The following CCDC178 variants were observed in gnomAD, a reference collection of about 807,000 sequenced individuals.
The protein encoded by CCDC178 is coiled-coil domain-containing protein 178.
CCDC178 carries 126 observed loss-of-function variants against 117.4 expected under a neutral mutation model. That is an observed-to-expected ratio of 1.07 (90% CI 0.93 to 1.24). The LOEUF is 1.24. Among genes scored for constraint, CCDC178 ranks in the 50% most tolerant of loss-of-function variants. The probability of loss-of-function intolerance (pLI) is 0.00; values close to 1 mark genes in which losing one functional copy is unlikely to be tolerated. For missense variants in CCDC178, 1,030 were observed against 986.9 expected, an observed-to-expected ratio of 1.04 and a Z score of -0.59; for synonymous variants, 283 against 313.4, an observed-to-expected ratio of 0.90 and a Z score of 1.02.
At chr18:33,049,001 A>T (rs1017724153) in intron 21 of CCDC178, among the ~76,000 whole-genome samples, 1 of 152,312 alleles carries the variant, frequency 6.6e-6, no homozygotes, top group South Asian at 2.1e-4. Flanking sequence ...AGATAAAATT[A>T]AAAATTGTAG....
intron 20 of CCDC178, chr18:33,136,001 C>T (rs974233974): frequency 6.6e-6 from 1 of 152,142 alleles, no homozygotes; most frequent in Non-Finnish European, 1.5e-5. Context: ...TTTTATAAAT[C>T]TAGCAAATAA....
intron 14 of CCDC178, among the ~76,000 whole-genome samples, chr18:33,247,448 A>G (rs1197946259): frequency 1.3e-5 from 2 of 151,904 alleles, no homozygotes; most frequent in Admixed American, 1.3e-4. Flanking sequence ...TATGGACAGA[A>G]ATAATTAAAA....
At chr18:33,049,855 G>A (rs183874839) in intron 21 of CCDC178, among the ~76,000 whole-genome samples, 75 of 151,782 alleles carry the variant, frequency 4.9e-4, no homozygotes, top group African/African-American at 1.7e-3. Flanking sequence ...GGCCGAGGGG[G>A]GTGGATACTT....
intron 15 of CCDC178, among the ~76,000 whole-genome samples, chr18:33,231,797 T>C (rs142305360): frequency 3.3e-5 from 5 of 152,254 alleles, no homozygotes; most frequent in Non-Finnish European, 7.4e-5. Flanking sequence ...AACACGCAGA[T>C]AGCTGCTGCT....
intron 20 of CCDC178, among the ~76,000 whole-genome samples, chr18:33,117,976 A>C (rs1425654233): frequency 1.3e-5 from 2 of 152,086 alleles, no homozygotes; most frequent in Non-Finnish European, 2.9e-5. Flanking sequence ...CAATTTCCCC[A>C]GGGTAGTCAG....
At chr18:33,061,057 T>C (rs2056912973) in intron 21 of CCDC178, among the ~76,000 whole-genome samples, 1 of 152,066 alleles carries the variant, frequency 6.6e-6, no homozygotes, top group South Asian at 2.1e-4. Flanking sequence ...ATTTAGCAAG[T>C]TTTCCAATCA....
intron 20 of CCDC178, among the ~76,000 whole-genome samples, chr18:33,117,115 G>A (rs560560270): frequency 6.4e-4 from 97 of 152,214 alleles, no homozygotes; most frequent in Middle Eastern, 3.4e-3. Flanking sequence ...GAGGTCTGGG[G>A]AAGACAAATA....
chr18:33,146,104 A>G (rs2058264135), intron 20 of CCDC178, among the ~76,000 whole-genome samples: 1 of 152,254 alleles, frequency 6.6e-6, no homozygotes, highest in South Asian at 2.1e-4. Flanking sequence ...GATCAACAGC[A>G]GTATCTGATA....
intron 9 of CCDC178, among the ~76,000 whole-genome samples, chr18:33,337,356 C>A (rs1391718849): frequency 3.3e-5 from 5 of 152,074 alleles, no homozygotes; most frequent in African/African-American, 4.8e-5. Context: ...CAGCAAACAG[C>A]AGCAGTTTGA....
intron 21 of CCDC178, among the ~76,000 whole-genome samples, chr18:33,079,400 T>C (rs1477936023): frequency 6.6e-6 from 1 of 151,988 alleles, no homozygotes; most frequent in Non-Finnish European, 1.5e-5. Context: ...CCAAAAACAA[T>C]CATAACAAAA....
At chr18:33,102,796 T>G (rs1428582353) in intron 20 of CCDC178, among the ~76,000 whole-genome samples, 9 of 151,800 alleles carry the variant, frequency 5.9e-5, no homozygotes, top group African/African-American at 1.9e-4. Flanking sequence ...AAAATGATAT[T>G]CTAGATCAGG....
chr18:32,993,636 A>C (rs1479628563), intron 21 of CCDC178, among the ~76,000 whole-genome samples: 1 of 152,090 alleles, frequency 6.6e-6, no homozygotes, highest in East Asian at 1.9e-4. Context: ...CTTGAATGTG[A>C]TCTTTTATCA....
intron 4 of CCDC178, among the ~76,000 whole-genome samples, chr18:33,391,669 T>C (rs762297372): frequency 3.3e-4 from 50 of 152,084 alleles, no homozygotes; most frequent in Non-Finnish European, 6.3e-4. Flanking sequence ...AACAAATGTG[T>C]CAAGGAAGGA....
intron 11 of CCDC178, among the ~76,000 whole-genome samples, chr18:33,318,713 G>T (rs577130819): frequency 9.2e-5 from 14 of 152,012 alleles, no homozygotes; most frequent in African/African-American, 2.7e-4. Flanking sequence ...TTAACACCTA[G>T]AATATCTTGA....
chr18:33,005,123 C>T (rs1366928651), intron 21 of CCDC178, among the ~76,000 whole-genome samples: 6 of 151,930 alleles, frequency 3.9e-5, no homozygotes, highest in East Asian at 1.9e-4. Flanking sequence ...GATATATACC[C>T]GAAAGAAAGA....
At chr18:33,106,399 C>T (rs1362001922) in intron 20 of CCDC178, among the ~76,000 whole-genome samples, 2 of 151,754 alleles carry the variant, frequency 1.3e-5, no homozygotes, top group African/African-American at 4.8e-5. Context: ...TTTTACCTTG[C>T]TTTGATCTCA....
intron 22 of CCDC178, among the ~76,000 whole-genome samples, chr18:32,953,635 C>A (rs2054535267): frequency 6.6e-6 from 1 of 152,122 alleles, no homozygotes; most frequent in African/African-American, 2.4e-5. Flanking sequence ...AAATGATGAA[C>A]AGAAATGTTC....
chr18:33,239,978 T>G (rs1295925392), intron 15 of CCDC178, among the ~76,000 whole-genome samples: 2 of 151,244 alleles, frequency 1.3e-5, no homozygotes, highest in Non-Finnish European at 3.0e-5. Context: ...ATCAATCATA[T>G]GTTTAGACAC....
At chr18:33,183,882 G>A (rs947435686) in intron 20 of CCDC178, among the ~76,000 whole-genome samples, 1 of 152,044 alleles carries the variant, frequency 6.6e-6, no homozygotes, top group African/African-American at 2.4e-5. Flanking sequence ...AACTTGTTAT[G>A]AATTTTCAAT....
Sources: gnomAD v4.1 joint callset for allele counts (sites outside exome capture counted in the v4.1 genomes callset) on GRCh38, gnomAD v4.1.1 for gene constraint, MANE v1.5 for transcripts, NCBI Gene and HGNC (gene_info 2026-07-23, HGNC 2026-07-21) for gene names.